The following MTSS2 variants were observed in gnomAD, a reference collection of about 807,000 sequenced individuals.
The protein encoded by MTSS2 is MTSS I-BAR domain containing 2.
A neutral mutation model predicts 67.1 loss-of-function variants in MTSS2; 27 were observed. That is an observed-to-expected ratio of 0.40 (90% CI 0.30 to 0.55). The LOEUF is 0.55. MTSS2 is among the 20% of genes least tolerant of loss of function. MTSS2 has a pLI of 0.43. For missense variants in MTSS2, 1,171 were observed against 1,067.8 expected (o/e 1.10, Z -1.35); for synonymous variants, 624 against 468.6 (o/e 1.33, Z -4.28).
At position 70,685,692 on chromosome 16, in the gene MTSS2, C is replaced by A. The variant is rs1197092345; in HGVS notation, c.69+31G>T. On this transcript the variant is annotated intron_variant, in intron 1 of 14. Coordinates refer to ENST00000338779, the MANE Select transcript of MTSS2 (RefSeq NM_138383.3). The stretch of plus-strand genomic sequence containing the variant: ...CCCCGGGGGGTCCCGCACCCGTCGC[C>A]GCGCGCCCGGCCCCGCCGCGCCCCG... 7.1e-6 allele frequency: 9 copies of A among 1,261,534 alleles called. 1 individual carries two copies. In the South Asian group the frequency reaches 1.5e-4, roughly 21 times the overall value. The allele number at this position is 1,261,534 out of a possible 1,614,324, so 78.1% of individuals were successfully genotyped here.
chr16:70,664,350 G>A lies in MTSS2; in HGVS notation c.1571C>T (p.Ala524Val). The change falls in exon 15 of 15, where the codon GCC becomes GTC. Residue 524 changes from alanine (A) to valine (V), a missense_variant. Ala to Val is a moderately conservative substitution (Grantham distance 64). Coordinates refer to ENST00000338779, the MANE Select transcript of MTSS2 (RefSeq NM_138383.3). ...CTGGATCAGGCGGCGGTAGTTCTGGGCGATGTTGCTGTTGCGCGGGATGGT... is the reference window on the plus strand; with the variant it reads ...CTGGATCAGGCGGCGGTAGTTCTGGACGATGTTGCTGTTGCGCGGGATGGT... ...SSTIPRNSNI[A>V]QNYRRLIQTK... 1.3e-6 allele frequency: 2 copies of A among 1,597,538 alleles called. No individual in the cohort carries two copies. The highest frequency in any genetic ancestry group is 1.7e-6 in the Non-Finnish European group (2 of 1,173,916).
intron 11 of MTSS2, among the ~76,000 whole-genome samples, chr16:70,673,647 C>T (rs112979715): frequency 3.9e-4 from 59 of 151,782 alleles, no homozygotes; most frequent in Non-Finnish European, 6.5e-4. Flanking sequence ...TGTGTATTAA[C>T]ATATGGGTAA....
At chr16:70,670,289 CACAAA>C (rs1469374634) in intron 11 of MTSS2, among the ~76,000 whole-genome samples, 4 of 152,184 alleles carry the variant, frequency 2.6e-5, no homozygotes, top group Non-Finnish European at 4.4e-5. Context: ...AACAAAACGA[CACAAA>C]ACAAAACACT....
rs58442115 is a variant in MTSS2 at position 70,661,385 on chromosome 16, AGG to A, written c.*2290_*2291del. Reference sequence around the variant, plus strand: ...GTTCAGATGGGACGGAGGGTGGGGGAGGGGGGGAGGGTGAGTAGGAACCAGGA... The same window carrying A: ...GTTCAGATGGGACGGAGGGTGGGGGAGGGGGAGGGTGAGTAGGAACCAGGA... On this transcript the variant is annotated 3_prime_UTR_variant, in exon 15 of 15. Transcript: ENST00000338779. 1.4e-4 allele frequency: 4 copies of A among 27,908 alleles called. No individual in the cohort carries two copies. Among genetic ancestry groups the A allele is most frequent in the Non-Finnish European group, 3.4e-4 (4 of 11,678 alleles). 1.7% of individuals were successfully genotyped at this position (27,908 alleles called of 1,614,324 possible). A position where few individuals can be genotyped will look rare whatever the true frequency, so the allele number is the denominator to read the frequency against.
chr16:70,663,723 A>G lies in MTSS2; in HGVS notation c.2198T>C (p.Leu733Pro). 1.9e-6 allele frequency: 3 copies of G among 1,583,750 alleles called. No homozygotes were observed. The highest frequency in any genetic ancestry group is 2.6e-6 in the Non-Finnish European group (3 of 1,166,950). The part of the protein sequence containing the change: ...MLVAIRRGVR[L>P]RRTVTNDRSA... Reference sequence around the variant, plus strand: ...CCTGTCGTTGGTGACGGTCCTGCGGAGCCGGACCCCACGCCGGATGGCCAC... The same window carrying G: ...CCTGTCGTTGGTGACGGTCCTGCGGGGCCGGACCCCACGCCGGATGGCCAC... The change falls in exon 15 of 15, where the codon CTC becomes CCC. Residue 733 changes from leucine (L) to proline (P), a missense_variant. This residue lies in a region of MTSS2 where 924 missense variants were observed against 756.0 expected (regional missense o/e 1.22). Transcript: ENST00000338779.
chr16:70,673,049 T>G (rs1567495823), intron 11 of MTSS2, among the ~76,000 whole-genome samples: 1 of 152,068 alleles, frequency 6.6e-6, no homozygotes, highest in Non-Finnish European at 1.5e-5. Context: ...TAGTCCCAGC[T>G]GCTTTGGAGG....
At position 70,661,767 on chromosome 16, in the gene MTSS2, C is replaced by G; in HGVS notation, c.*1910G>C. The G allele has an allele frequency of 5.2e-6, 1 of 191,246 alleles. No individual in the cohort carries two copies. Among genetic ancestry groups the G allele is most frequent in the Non-Finnish European group, 1.1e-5 (1 of 92,512 alleles). The allele number at this position is 191,246 out of a possible 1,614,324, so 11.8% of individuals were successfully genotyped here. The stretch of plus-strand genomic sequence containing the variant: ...CACGAGCCCCCCTCTCTGGGTAGCC[C>G]CTGCCTCCTTTCCCATCAGGACCTC... On this transcript the variant is annotated 3_prime_UTR_variant, in exon 15 of 15. Coordinates refer to ENST00000338779, the MANE Select transcript of MTSS2 (RefSeq NM_138383.3).
Position 70,662,470 on chromosome 16 carries a change from C to CAGAG in MTSS2, c.*1203_*1206dup, listed in dbSNP as rs1204294967. Reference sequence around the variant, plus strand: ...GCTGGGATGGCATCTCCTCCGGCAACAGAGAGTCAAAGCCAATCTTCCCAG... The same window carrying CAGAG: ...GCTGGGATGGCATCTCCTCCGGCAACAGAGAGAGAGTCAAAGCCAATCTTCCCAG... On this transcript the variant is annotated 3_prime_UTR_variant, in exon 15 of 15. Coordinates refer to ENST00000338779, the MANE Select transcript of MTSS2 (RefSeq NM_138383.3). The CAGAG allele has an allele frequency of 6.6e-6, 1 of 152,284 alleles. No homozygotes were observed. The highest frequency in any genetic ancestry group is 2.4e-5 in the African/African-American group (1 of 41,458). The allele number at this position is 152,284 out of a possible 1,614,324, so 9.4% of individuals were successfully genotyped here. A position where few individuals can be genotyped will look rare whatever the true frequency, so the allele number is the denominator to read the frequency against.
chr16:70,664,940 G>A lies in MTSS2; in HGVS notation c.1285C>T (p.Pro429Ser), dbSNP rs1305601889. The change falls in exon 13 of 15, where the codon CCT becomes TCT. Residue 429 changes from proline (P) to serine (S), a missense_variant. Coordinates refer to ENST00000338779, the MANE Select transcript of MTSS2 (RefSeq NM_138383.3). ...GEEAPRPRMSPATIAAKHGEE... is the reference protein window; with the variant it reads ...GEEAPRPRMSSATIAAKHGEE... ...CCTACCTTGGCTGCGATGGTGGCAGGGGACATCCGGGGTCGCGGTGCCTCT... is the reference window on the plus strand; with the variant it reads ...CCTACCTTGGCTGCGATGGTGGCAGAGGACATCCGGGGTCGCGGTGCCTCT... 5 of 1,556,552 alleles carry A rather than the reference G, an allele frequency of 3.2e-6. No individual in the cohort carries two copies. Among genetic ancestry groups the A allele is most frequent in the African/African-American group, 1.3e-5 (1 of 74,284 alleles).
chr16:70,684,366 T>A (rs1184421808), intron 1 of MTSS2, among the ~76,000 whole-genome samples: 13 of 94,468 alleles, frequency 1.4e-4, no homozygotes, highest in African/African-American at 5.2e-4. Context: ...GAGTGCACCA[T>A]GAGGGGCAGG....
intron 8 of MTSS2, 63 bp downstream of exon 8, chr16:70,678,189 G>T (rs2053181712): frequency 2.0e-6 from 3 of 1,523,228 alleles, no homozygotes; most frequent in Admixed American, 2.0e-5. Context: ...CCTTCTTGGA[G>T]GTCAGAAGGT....
At chr16:70,677,066 C>T in intron 9 of MTSS2, 88 bp from the exon 10 acceptor site, 1 of 1,034,254 alleles carries the variant, frequency 9.7e-7, no homozygotes, top group East Asian at 2.7e-5. Context: ...TAATTGTGAA[C>T]CACATCCCAG....
intron 11 of MTSS2, among the ~76,000 whole-genome samples, chr16:70,668,568 G>A (rs1403405886): frequency 6.6e-6 from 1 of 152,174 alleles, no homozygotes; most frequent in Non-Finnish European, 1.5e-5. Context: ...CAGCACTGCT[G>A]TGCACTGAGG....
At chr16:70,678,120 C>T (rs1244456825) in intron 8 of MTSS2, 132 bp downstream of exon 8, 1 of 1,235,216 alleles carries the variant, frequency 8.1e-7, no homozygotes, top group Non-Finnish European at 1.1e-6. Context: ...ATGAGACCTG[C>T]CTTTGGGCCA....
At chr16:70,665,581 C>A (rs946781708) in intron 11 of MTSS2, 41 bp from the exon 12 acceptor site, 1 of 1,515,820 alleles carries the variant, frequency 6.6e-7, no homozygotes, top group Non-Finnish European at 8.9e-7. Flanking sequence ...GACAGAGGGG[C>A]CGGCAGGCAG....
intron 11 of MTSS2, among the ~76,000 whole-genome samples, chr16:70,666,263 C>G (rs74824510): frequency 2.6e-5 from 4 of 151,996 alleles, no homozygotes; most frequent in African/African-American, 9.7e-5. Context: ...CCATGGAGAC[C>G]CCGAGGAGAA....
intron 11 of MTSS2, 101 bp from the exon 12 acceptor site, chr16:70,665,641 G>T: frequency 9.7e-7 from 1 of 1,035,062 alleles, no homozygotes; most frequent in Admixed American, 2.3e-5. Flanking sequence ...GCATGCAGGG[G>T]GGCGGTTCAA....
chr16:70,664,505 C>T (rs1479088918), intron 14 of MTSS2, 56 bp from the exon 15 acceptor site: 16 of 1,555,174 alleles, frequency 1.0e-5, no homozygotes, highest in Non-Finnish European at 1.4e-5. Flanking sequence ...TGCCCCCAGC[C>T]CACCAGGGTG....
chr16:70,664,626 G>A lies in MTSS2; in HGVS notation c.1443C>T (p.Ser481=). The A allele has an allele frequency of 1.9e-6, 3 of 1,613,242 alleles. No homozygotes were observed. Among genetic ancestry groups the A allele is most frequent in the Non-Finnish European group, 2.5e-6 (3 of 1,179,898 alleles). ...GGGAGGGGATGGTGTCCTCAGAGCA[G>A]GAGGGCGTGGTGGTCTGCGTGCTGT... The part of the protein sequence containing the change: ...SGYSTQTTTP[S]CSEDTIPSQG... The change falls in exon 14 of 15, where the codon TCC becomes TCT. Residue 481 remains serine, a synonymous_variant. Coordinates refer to ENST00000338779, the MANE Select transcript of MTSS2 (RefSeq NM_138383.3).
Sources: gnomAD v4.1 joint callset for allele counts (sites outside exome capture counted in the v4.1 genomes callset) on GRCh38, gnomAD v4.1.1 for gene constraint, gnomAD v4.1.1 regional missense constraint, MANE v1.5 for transcripts, NCBI Gene and HGNC (gene_info 2026-07-23, HGNC 2026-07-21) for gene names.